Variants in TLL2 observed in about 807,000 individuals in gnomAD.
TLL2 encodes the protein tolloid-like protein 2.
Under a neutral mutation model 123.0 loss-of-function variants are expected in TLL2, and 106 were observed. The observed-to-expected ratio is 0.86, with a 90% CI of 0.74 to 1.01. The LOEUF (loss-of-function observed/expected upper bound fraction) is 1.01, where lower values mean the gene tolerates loss of function less well. Ranked by LOEUF, TLL2 falls within the 50% of genes least tolerant of loss-of-function variation. The pLI, the probability that TLL2 is intolerant of heterozygous loss-of-function variation, is 0.00. For missense variants in TLL2, 1,332 were observed against 1,336.7 expected (o/e 1.00, Z 0.06); for synonymous variants, 494 against 516.8 (o/e 0.96, Z 0.60).
chr10:96,373,814 G>A lies in TLL2; in HGVS notation c.2449-5C>T. 4.3e-6 allele frequency: 7 copies of A among 1,612,394 alleles called. No homozygotes were observed. Among genetic ancestry groups the A allele is most frequent in the Non-Finnish European group, 5.1e-6 (6 of 1,179,728 alleles). On this transcript the variant is annotated splice_polypyrimidine_tract_variant and splice_region_variant and intron_variant, in intron 18 of 20. Coordinates refer to ENST00000357947, the MANE Select transcript of TLL2 (RefSeq NM_012465.4). ...GATCTCAAACTCATTAAAGGTCTGG[G>A]GACAGAAGAGCAGAAAGTAAGGCAA... is the stretch of plus-strand genomic sequence containing the variant.
At chr10:96,510,537 T>C (rs1847618943) in intron 1 of TLL2, among the ~76,000 whole-genome samples, 1 of 152,196 alleles carries the variant, frequency 6.6e-6, no homozygotes, top group South Asian at 2.1e-4. Flanking sequence ...GAAAATCCAT[T>C]TATAAAAAGT....
chr10:96,495,837 C>A (rs1032119062), intron 1 of TLL2, among the ~76,000 whole-genome samples: 2 of 152,082 alleles, frequency 1.3e-5, no homozygotes, highest in African/African-American at 4.8e-5. Context: ...GGGGAGATGG[C>A]CTTCTCCAGG....
chr10:96,456,895 A>G (rs558565033), intron 2 of TLL2, among the ~76,000 whole-genome samples: 2 of 152,326 alleles, frequency 1.3e-5, no homozygotes, highest in African/African-American at 4.8e-5. Flanking sequence ...AGCTTGCTGG[A>G]GGCAGCATTA....
chr10:96,440,262 A>T (rs1846838229), intron 3 of TLL2, among the ~76,000 whole-genome samples: 1 of 152,210 alleles, frequency 6.6e-6, no homozygotes, highest in Non-Finnish European at 1.5e-5. Flanking sequence ...CTTGTTCTCC[A>T]CTTTATTCTC....
chr10:96,420,839 C>T, intron 7 of TLL2, 117 bp downstream of exon 7: 1 of 817,184 alleles, frequency 1.2e-6, no homozygotes, highest in Non-Finnish European at 2.1e-6. Flanking sequence ...CAAGGACAGA[C>T]AGGCCAGCCG....
intron 5 of TLL2, among the ~76,000 whole-genome samples, chr10:96,424,769 TGTTTTG>T (rs370472949): frequency 0.076 from 6,087 of 80,486 alleles, 140 homozygotes; most frequent in Middle Eastern, 0.15. Context: ...TTTTATGTAT[TGTTTTG>T]TTTTTTTTGC....
chr10:96,463,340 A>G (rs1847098783), intron 2 of TLL2, among the ~76,000 whole-genome samples: 1 of 152,204 alleles, frequency 6.6e-6, no homozygotes, highest in Admixed American at 6.5e-5. Context: ...TTTCAGAGTA[A>G]TAAAGGAGAG....
chr10:96,387,091 G>T lies in TLL2; in HGVS notation c.1727-13C>A. ...CACTCATCCACCTCTGGTGGGGAAG[G>T]AAGGTGACCCCGGTTACATTGTCAG... On this transcript the variant is annotated splice_polypyrimidine_tract_variant and intron_variant, in intron 13 of 20. Coordinates refer to ENST00000357947, the MANE Select transcript of TLL2 (RefSeq NM_012465.4). The T allele has an allele frequency of 1.9e-6, 3 of 1,610,758 alleles. No homozygotes were observed. Among genetic ancestry groups the T allele is most frequent in the Non-Finnish European group, 2.5e-6 (3 of 1,177,416 alleles).
At chr10:96,494,240 T>C (rs1254584245) in intron 1 of TLL2, among the ~76,000 whole-genome samples, 1 of 152,164 alleles carries the variant, frequency 6.6e-6, no homozygotes, top group Non-Finnish European at 1.5e-5. Context: ...GAACGGCCCC[T>C]GAGTTGGGGT....
chr10:96,420,060 T>G (rs1308298519), intron 7 of TLL2, among the ~76,000 whole-genome samples: 1 of 152,202 alleles, frequency 6.6e-6, no homozygotes, highest in Non-Finnish European at 1.5e-5. Context: ...TCTCACCTAT[T>G]ATTTATCATT....
intron 1 of TLL2, among the ~76,000 whole-genome samples, chr10:96,502,465 G>A (rs1428309800): frequency 6.6e-6 from 1 of 152,204 alleles, no homozygotes; most frequent in Non-Finnish European, 1.5e-5. Flanking sequence ...CAGTGGGGAT[G>A]GAGAGAAGTG....
chr10:96,443,711 T>G (rs1246381570), intron 3 of TLL2, among the ~76,000 whole-genome samples: 1 of 152,258 alleles, frequency 6.6e-6, no homozygotes, highest in Non-Finnish European at 1.5e-5. Context: ...TGACAAACTC[T>G]GCTGGATTCA....
chr10:96,506,654 G>A (rs922263564), intron 1 of TLL2, among the ~76,000 whole-genome samples: 1 of 151,842 alleles, frequency 6.6e-6, no homozygotes, highest in South Asian at 2.1e-4. Context: ...CATGCCAGGT[G>A]CACTGCATAT....
intron 2 of TLL2, among the ~76,000 whole-genome samples, chr10:96,476,215 T>TA (rs1173286347): frequency 1.5e-4 from 4 of 25,820 alleles, no homozygotes; most frequent in Non-Finnish European, 3.3e-4. Flanking sequence ...CCTTTTTAAT[T>TA]TTATATGTAT....
intron 2 of TLL2, among the ~76,000 whole-genome samples, chr10:96,476,240 A>ATATATATATATTTTTTTTTTTTTT: frequency 4.9e-5 from 1 of 20,500 alleles, no homozygotes; most frequent in Non-Finnish European, 1.0e-4. Context: ...ATATATATAT[A>ATATATATATATTTTTTTTTTTTTT]TTTTATTTTT....
rs1321075781 is a variant in TLL2, at chr10:96,420,119, G to C, written c.923+837C>G. On this transcript the variant is annotated intron_variant, in intron 7 of 20. Coordinates refer to ENST00000357947, the MANE Select transcript of TLL2 (RefSeq NM_012465.4). ...GTCACCACAGATCCTTTTGGGGGAA[G>C]ACTAAATAAATAAACAAGCAAACAG... Among the ~76,000 whole-genome samples the C allele has an allele frequency of 2.6e-5, 4 of 152,124 alleles. 1 individual carries two copies. The highest frequency in any genetic ancestry group is 9.7e-5 in the African/African-American group (4 of 41,438).
intron 2 of TLL2, among the ~76,000 whole-genome samples, chr10:96,459,089 CAG>C (rs1485746378): frequency 6.6e-6 from 1 of 152,046 alleles, no homozygotes; most frequent in African/African-American, 2.4e-5. Flanking sequence ...AAATAAGTAA[CAG>C]AGAGAGATTC....
chr10:96,394,040 G>C (rs1923698), intron 13 of TLL2, among the ~76,000 whole-genome samples: 7 of 152,258 alleles, frequency 4.6e-5, no homozygotes, highest in Admixed American at 2.6e-4. Flanking sequence ...CTGGGTGACA[G>C]TGCAGAAGTG....
At chr10:96,487,511 T>C (rs1847369030) in intron 1 of TLL2, among the ~76,000 whole-genome samples, 1 of 152,052 alleles carries the variant, frequency 6.6e-6, no homozygotes. Context: ...CATCTAACAC[T>C]TACTGAGGCA....
Sources: allele counts gnomAD v4.1 joint callset (sites outside exome capture counted in the v4.1 genomes callset), GRCh38; gene constraint gnomAD v4.1.1; transcripts MANE v1.5; gene names NCBI Gene and HGNC (gene_info 2026-07-23, HGNC 2026-07-21).